The following FAM76A variants were observed in gnomAD, a reference collection of about 807,000 sequenced individuals.
FAM76A encodes the protein family with sequence similarity 76 member A, also known as protein FAM76A.
FAM76A carries 32 observed loss-of-function variants against 46.2 expected under a neutral mutation model. That is an observed-to-expected ratio of 0.69 (90% CI 0.52 to 0.93). The LOEUF (loss-of-function observed/expected upper bound fraction) is 0.93. Ranked by LOEUF, FAM76A falls within the 40% of genes least tolerant of loss-of-function variation. The probability of loss-of-function intolerance (pLI) is 0.00; values close to 1 mark genes in which losing one functional copy is unlikely to be tolerated. For missense variants in FAM76A, 274 were observed against 361.5 expected, an observed-to-expected ratio of 0.76 and a Z score of 1.96; for synonymous variants, 137 against 127.0, an observed-to-expected ratio of 1.08 and a Z score of -0.53.
rs118121049 is a variant in FAM76A at position 27,758,038 on chromosome 1, C to T, written c.736-1488C>T. Among the ~76,000 whole-genome samples the T allele has an allele frequency of 2.9e-4, 44 of 151,740 alleles. No individual in the cohort carries two copies. The East Asian group carries it at 5.4e-3, about 19-fold the overall frequency. On this transcript the variant is annotated intron_variant, in intron 7 of 8. Coordinates refer to ENST00000373954, the MANE Select transcript of FAM76A (RefSeq NM_152660.3). ...CAATCATTTCATAGATGAAGAATGC[C>T]TCCAGTATTTTTCTTCTTAGGGGTT... is the stretch of plus-strand genomic sequence containing the variant.
rs1333107207 is a variant in FAM76A at position 27,739,520 on chromosome 1, C to T, written c.355-5134C>T. 2.8e-5 allele frequency: 10 copies of T among 357,264 alleles called. No individual in the cohort carries two copies. In the Middle Eastern group the frequency reaches 3.0e-3, roughly 107 times the overall value. 22.1% of individuals were successfully genotyped at this position (357,264 alleles called of 1,614,324 possible). A position where few individuals can be genotyped will look rare whatever the true frequency, so the allele number is the denominator to read the frequency against. On this transcript the variant is annotated intron_variant, in intron 4 of 8. Coordinates refer to ENST00000373954, the MANE Select transcript of FAM76A (RefSeq NM_152660.3). Reference sequence around the variant, plus strand: ...AACTGCATATGGCAGGGTGTGGTGGCTCACACCTGTAATCGTAGCACTTTG... The same window carrying T: ...AACTGCATATGGCAGGGTGTGGTGGTTCACACCTGTAATCGTAGCACTTTG...
intron 5 of FAM76A, among the ~76,000 whole-genome samples, chr1:27,746,624 G>C (rs1200197815): frequency 1.3e-5 from 2 of 152,182 alleles, no homozygotes; most frequent in Non-Finnish European, 2.9e-5. Context: ...CTACTCAGGA[G>C]GCTGAGGCAG....
At chr1:27,743,364 G>A (rs1033073851) in intron 4 of FAM76A, among the ~76,000 whole-genome samples, 5 of 152,128 alleles carry the variant, frequency 3.3e-5, no homozygotes, top group South Asian at 2.1e-4. Context: ...ACATTGCCCC[G>A]AGTAGTTTCG....
chr1:27,734,816 T>C (rs1349420124), intron 4 of FAM76A, among the ~76,000 whole-genome samples: 1 of 152,244 alleles, frequency 6.6e-6, no homozygotes, highest in African/African-American at 2.4e-5. Flanking sequence ...ATCTGGCTCT[T>C]TAAATGTTTC....
intron 6 of FAM76A, among the ~76,000 whole-genome samples, chr1:27,750,928 G>T (rs2088321766): frequency 6.6e-6 from 1 of 152,184 alleles, no homozygotes; most frequent in Non-Finnish European, 1.5e-5. Context: ...CAGCACTTTG[G>T]GAGGCCAAGG....
At chr1:27,742,010 T>C (rs1377976188) in intron 4 of FAM76A, among the ~76,000 whole-genome samples, 1 of 152,016 alleles carries the variant, frequency 6.6e-6, no homozygotes, top group African/African-American at 2.4e-5. Context: ...GAGATGAGTA[T>C]GTCTTTAGTA....
At chr1:27,740,228 TGAGGCTACTAAGTACTCA>T in intron 4 of FAM76A, 1 of 665,794 alleles carries the variant, frequency 1.5e-6, no homozygotes, top group South Asian at 1.5e-5. Context: ...CCTTTCATCT[TGAGGCTACTAAGTACTCA>T]GAGGCTTTGA....
intron 4 of FAM76A, among the ~76,000 whole-genome samples, chr1:27,743,721 T>C (rs928427623): frequency 1.3e-5 from 2 of 151,582 alleles, no homozygotes; most frequent in African/African-American, 4.9e-5. Flanking sequence ...GCTGAGATCA[T>C]ACCACTGCTC....
At position 27,727,822 on chromosome 1, in the gene FAM76A, T is replaced by G. The variant is rs202023159; in HGVS notation, c.146+286T>G. Among the ~76,000 whole-genome samples, 15 of 136,432 alleles carry G rather than the reference T, an allele frequency of 1.1e-4. No homozygotes were observed. In the East Asian group the frequency reaches 3.4e-3, roughly 31 times the overall value. 89.5% of individuals were successfully genotyped at this position (136,432 alleles called of 152,430 possible). ...TAAATTTTTTTTTTTTTTTTTTTTT[T>G]TTTGAGATGGAGTCTCACTCTGTCA... is the stretch of plus-strand genomic sequence containing the variant. On this transcript the variant is annotated intron_variant, in intron 2 of 8. Transcript: ENST00000373954.
At chr1:27,732,986 A>T (rs116365343) in intron 3 of FAM76A, among the ~76,000 whole-genome samples, 2,958 of 149,202 alleles carry the variant, frequency 0.02, 85 homozygotes, top group African/African-American at 0.068. Flanking sequence ...CCCAGGCTGG[A>T]GTGGAATGGC....
intron 4 of FAM76A, among the ~76,000 whole-genome samples, chr1:27,735,024 T>C (rs1249075656): frequency 6.6e-6 from 1 of 152,238 alleles, no homozygotes; most frequent in Non-Finnish European, 1.5e-5. Flanking sequence ...TTCTATGGCC[T>C]GCAAGGCCCA....
intron 2 of FAM76A, among the ~76,000 whole-genome samples, chr1:27,727,760 A>G (rs1034397659): frequency 2.6e-5 from 4 of 151,232 alleles, no homozygotes; most frequent in South Asian, 4.2e-4. Flanking sequence ...GGTATATAAT[A>G]CATGTATTGT....
At chr1:27,731,011 A>C (rs1002753164) in intron 2 of FAM76A, among the ~76,000 whole-genome samples, 2 of 152,030 alleles carry the variant, frequency 1.3e-5, no homozygotes, top group African/African-American at 2.4e-5. Context: ...AGTACTGTTT[A>C]AATTGTTCTT....
intron 7 of FAM76A, among the ~76,000 whole-genome samples, chr1:27,758,600 C>G (rs2088454312): frequency 6.6e-6 from 1 of 151,746 alleles, no homozygotes; most frequent in African/African-American, 2.4e-5. Flanking sequence ...CTCCCTGGCT[C>G]AAGCGATCCT....
At chr1:27,729,050 G>C (rs958599260) in intron 2 of FAM76A, among the ~76,000 whole-genome samples, 1 of 149,886 alleles carries the variant, frequency 6.7e-6, no homozygotes, top group Non-Finnish European at 1.5e-5. Flanking sequence ...ATTTTTTTTT[G>C]GTACCAAGTT....
At position 27,762,947 on chromosome 1, in the gene FAM76A, G is replaced by T. The variant is rs2088530855; in HGVS notation, c.*2366G>T. ...GAAGAAACCTCAGTCTTGAAATTTTGATTTTTAAAAATCATGACACTGTTT... is the reference window on the plus strand; with the variant it reads ...GAAGAAACCTCAGTCTTGAAATTTTTATTTTTAAAAATCATGACACTGTTT... On this transcript the variant is annotated 3_prime_UTR_variant, in exon 9 of 9. Transcript: ENST00000373954. 1 of 152,054 alleles carries T rather than the reference G, an allele frequency of 6.6e-6. No individual in the cohort carries two copies. Among genetic ancestry groups the T allele is most frequent in the Non-Finnish European group, 1.5e-5 (1 of 67,974 alleles). 9.4% of individuals were successfully genotyped at this position (152,054 alleles called of 1,614,324 possible). A position where few individuals can be genotyped will look rare whatever the true frequency, so the allele number is the denominator to read the frequency against.
At chr1:27,726,649 A>C in intron 1 of FAM76A, among the ~76,000 whole-genome samples, 2 of 147,722 alleles carry the variant, frequency 1.4e-5, no homozygotes, top group South Asian at 2.1e-4. Flanking sequence ...TTTTTTAAGC[A>C]TCTCACTTTT....
chr1:27,734,700 A>G (rs2088016588), intron 4 of FAM76A, among the ~76,000 whole-genome samples: 1 of 152,252 alleles, frequency 6.6e-6, no homozygotes, highest in South Asian at 2.1e-4. Context: ...CGAGAATTGA[A>G]TTACAGTGAT....
chr1:27,748,469 GTTT>G (rs1162208303), intron 5 of FAM76A, among the ~76,000 whole-genome samples: 5 of 112,624 alleles, frequency 4.4e-5, no homozygotes, highest in African/African-American at 1.4e-4. Context: ...TCTTATTGAA[GTTT>G]TTTTTTTTTT....
Sources: gnomAD v4.1 joint callset for allele counts (sites outside exome capture counted in the v4.1 genomes callset) on GRCh38, gnomAD v4.1.1 for gene constraint, MANE v1.5 for transcripts, NCBI Gene and HGNC (gene_info 2026-07-23, HGNC 2026-07-21) for gene names.